CD38: variants seen among roughly 807,000 people sequenced by gnomAD.
CD38 encodes the protein CD38 molecule, also known as ADP-ribosyl cyclase/cyclic ADP-ribose hydrolase 1.
CD38 carries 31 observed loss-of-function variants against 36.3 expected under a neutral mutation model. The observed-to-expected ratio is 0.85, with a 90% CI of 0.64 to 1.15. The LOEUF is 1.15. CD38 is among the 50% of genes most tolerant of loss of function. The probability of loss-of-function intolerance (pLI) is 0.00; values close to 1 mark genes in which losing one functional copy is unlikely to be tolerated. For synonymous variants in CD38, 131 were observed against 135.2 expected, an observed-to-expected ratio of 0.97 and a Z score of 0.22; for missense variants, 380 against 371.9, an observed-to-expected ratio of 1.02 and a Z score of -0.18.
At chr4:15,816,701 T>G (rs1160228476) in intron 2 of CD38, 61 bp downstream of exon 2, 7 of 1,554,930 alleles carry the variant, frequency 4.5e-6, no homozygotes, top group Non-Finnish European at 5.3e-6. Flanking sequence ...TAACAATTCA[T>G]AGGTCCAAAT....
At position 15,816,567 on chromosome 4, in the gene CD38, A is replaced by C; in HGVS notation, c.290A>C (p.His97Pro). The C allele has an allele frequency of 6.2e-7, 1 of 1,613,920 alleles. No homozygotes were observed. The highest frequency in any genetic ancestry group is 8.5e-7 in the Non-Finnish European group (1 of 1,179,794). Residue 97 changes from histidine (H) to proline (P), a missense_variant, in exon 2 of 8, where the codon CAT (histidine) becomes CCT (proline). By Grantham distance (77) the His-to-Pro change is moderately conservative (BLOSUM62 -2). Coordinates refer to ENST00000226279, the MANE Select transcript of CD38 (RefSeq NM_001775.4). ...DAFKGAFISK[H>P]PCNITEEDYQ... ...TTCAAGGGTGCATTTATTTCAAAAC[A>C]TCCTTGCAACATTACTGAAGAAGAC...
rs555778042 is a variant in CD38 at position 15,789,611 on chromosome 4, C to T, written c.233+10964C>T. ...AGAAGTGGCAGGATGAGAGATTGGCCCTTTAGGAGGTGACTGGGTCATGAG... is the reference window on the plus strand; with the variant it reads ...AGAAGTGGCAGGATGAGAGATTGGCTCTTTAGGAGGTGACTGGGTCATGAG... On this transcript the variant is annotated intron_variant, in intron 1 of 7. Coordinates refer to ENST00000226279, the MANE Select transcript of CD38 (RefSeq NM_001775.4). 2.0e-4 allele frequency among the ~76,000 whole-genome samples: 30 copies of T among 152,130 alleles called. No homozygotes were observed. In the South Asian group the frequency reaches 6.2e-3, roughly 32 times the overall value.
intron 1 of CD38, among the ~76,000 whole-genome samples, chr4:15,809,067 T>C (rs1399522410): frequency 3.3e-5 from 5 of 152,180 alleles, no homozygotes; most frequent in East Asian, 3.9e-4. Context: ...CTGGAGATAA[T>C]AGGTATGTGT....
intron 1 of CD38, among the ~76,000 whole-genome samples, chr4:15,812,087 A>G (rs77242050): frequency 0.041 from 6,231 of 152,148 alleles, 304 homozygotes; most frequent in African/African-American, 0.12. Context: ...CAACTTTTTG[A>G]CTTTGTGCCT....
chr4:15,824,803 C>A, intron 2 of CD38, 78 bp from the exon 3 acceptor site: 3 of 1,107,440 alleles, frequency 2.7e-6, no homozygotes, highest in Non-Finnish European at 3.9e-6. Context: ...TTTTTTTTTT[C>A]ATTTACAAAA....
rs1474123573 is a variant in CD38 at position 15,778,770 on chromosome 4, C to A, written c.233+123C>A. 6 of 692,736 alleles carry A rather than the reference C, an allele frequency of 8.7e-6. No individual in the cohort carries two copies. The African/African-American group carries it at 1.1e-4, about 12-fold the overall frequency. 42.9% of individuals were successfully genotyped at this position (692,736 alleles called of 1,614,324 possible). Reference sequence around the variant, plus strand: ...CGTGGCGGGTCAGCCGAGAGCCCGCCGGGTGGTGCTGAGTAGGGAGTCCCG... The same window carrying A: ...CGTGGCGGGTCAGCCGAGAGCCCGCAGGGTGGTGCTGAGTAGGGAGTCCCG... On this transcript the variant is annotated intron_variant, in intron 1 of 7. Coordinates refer to ENST00000226279, the MANE Select transcript of CD38 (RefSeq NM_001775.4). The surrounding 1 kb of genome is among the most constrained non-coding windows in gnomAD (Gnocchi z 4.9).
chr4:15,826,600 C>A (rs762178477), intron 3 of CD38, among the ~76,000 whole-genome samples: 2 of 151,776 alleles, frequency 1.3e-5, no homozygotes, highest in African/African-American at 2.4e-5. Flanking sequence ...GGTAACTATA[C>A]CCTCATCAAG....
rs145696118 is a variant in CD38 at position 15,800,161 on chromosome 4, T to C, written c.234-16350T>C. ...TAAATCCTTAAAAACTCTTAGTCTG[T>C]AAGAGAGTGTGCTGTTGACCTAGCT... is the stretch of plus-strand genomic sequence containing the variant. On this transcript the variant is annotated intron_variant, in intron 1 of 7. Coordinates refer to ENST00000226279, the MANE Select transcript of CD38 (RefSeq NM_001775.4). Among the ~76,000 whole-genome samples, 840 of 152,296 alleles carry C rather than the reference T, an allele frequency of 5.5e-3. 7 individuals carry two copies. Among genetic ancestry groups the C allele is most frequent in the African/African-American group, 0.019 (784 of 41,564 alleles).
At chr4:15,795,906 G>A (rs1723096053) in intron 1 of CD38, among the ~76,000 whole-genome samples, 1 of 151,998 alleles carries the variant, frequency 6.6e-6, no homozygotes, top group African/African-American at 2.4e-5. Context: ...ATCCATATTT[G>A]CCTTGATATT....
chr4:15,790,048 A>T (rs1165058216), intron 1 of CD38, among the ~76,000 whole-genome samples: 1 of 152,084 alleles, frequency 6.6e-6, no homozygotes, highest in Non-Finnish European at 1.5e-5. Flanking sequence ...ATATCTGGGG[A>T]GAACATCCTA....
intron 5 of CD38, among the ~76,000 whole-genome samples, chr4:15,838,560 A>T (rs561719580): frequency 3.9e-4 from 60 of 152,160 alleles, no homozygotes; most frequent in African/African-American, 1.4e-3. Context: ...TTCACCATCC[A>T]TGAAGACCTG....
chr4:15,828,303 A>T (rs1405625060), intron 3 of CD38, among the ~76,000 whole-genome samples: 1 of 152,232 alleles, frequency 6.6e-6, no homozygotes, highest in Non-Finnish European at 1.5e-5. Flanking sequence ...GGTGTGAGCC[A>T]CCAGGCCCGA....
intron 1 of CD38, among the ~76,000 whole-genome samples, chr4:15,806,643 G>T (rs2148919810): frequency 6.6e-6 from 1 of 152,274 alleles, no homozygotes; most frequent in South Asian, 2.1e-4. Context: ...GTCAGAGAAG[G>T]CAGAAGAAAG....
At position 15,824,991 on chromosome 4, in the gene CD38, A is replaced by G. The variant is rs750152985; in HGVS notation, c.474A>G (p.Thr158=). ...TLLGYLADDL[T]WCGEFNTSKI... is the part of the protein sequence containing the mutation. ...TAGGCTACCTTGCTGATGACCTCAC[A>G]TGGTGTGGTGAATTCAACACTTCCA... Residue 158 remains threonine, a synonymous_variant, in exon 3 of 8, where the codon ACA becomes ACG. Coordinates refer to ENST00000226279, the MANE Select transcript of CD38 (RefSeq NM_001775.4). 2.2e-5 allele frequency: 35 copies of G among 1,613,124 alleles called. No individual in the cohort carries two copies. Among genetic ancestry groups the G allele is most frequent in the Admixed American group, 5.0e-5 (3 of 59,792 alleles).
At chr4:15,795,482 T>A (rs1723086929) in intron 1 of CD38, among the ~76,000 whole-genome samples, 1 of 152,058 alleles carries the variant, frequency 6.6e-6, no homozygotes, top group African/African-American at 2.4e-5. Context: ...TCTTCTTTTT[T>A]AAAAATTATA....
At chr4:15,818,795 A>G (rs1274006953) in intron 2 of CD38, among the ~76,000 whole-genome samples, 2 of 152,342 alleles carry the variant, frequency 1.3e-5, no homozygotes, top group East Asian at 3.9e-4. Context: ...GACTGCTAAA[A>G]GAAAAAACAG....
chr4:15,815,113 C>T (rs958099018), intron 1 of CD38, among the ~76,000 whole-genome samples: 35 of 151,718 alleles, frequency 2.3e-4, no homozygotes, highest in African/African-American at 6.8e-4. Flanking sequence ...CCAAGGTCTC[C>T]GTTCTCTTTC....
chr4:15,786,021 G>A (rs1022257063), intron 1 of CD38, among the ~76,000 whole-genome samples: 1 of 152,142 alleles, frequency 6.6e-6, no homozygotes, highest in African/African-American at 2.4e-5. Flanking sequence ...CTCCCATCTG[G>A]AGTTGTTCGT....
intron 1 of CD38, among the ~76,000 whole-genome samples, chr4:15,810,118 T>C (rs1338116854): frequency 4.6e-5 from 7 of 152,226 alleles, no homozygotes; most frequent in Non-Finnish European, 4.4e-5. Context: ...GTTTCAACTC[T>C]AACGTTCTAT....
Sources: gnomAD v4.1 joint callset for allele counts (sites outside exome capture counted in the v4.1 genomes callset) on GRCh38, gnomAD v4.1.1 for gene constraint, Gnocchi (gnomAD v3.1) non-coding constraint, MANE v1.5 for transcripts, NCBI Gene and HGNC (gene_info 2026-07-23, HGNC 2026-07-21) for gene names.